RBMS1: variants seen among roughly 807,000 people sequenced by gnomAD.
The protein encoded by RBMS1 is RNA-binding motif, single-stranded-interacting protein 1.
In RBMS1, 17 loss-of-function variants were observed where a neutral mutation model predicts 62.3. The ratio of observed to expected loss-of-function variants is 0.27; its 90% CI spans 0.19 to 0.41. RBMS1 has a LOEUF of 0.41. RBMS1 is among the 10% of genes least tolerant of loss of function. The pLI is 1.00. For synonymous variants in RBMS1, 172 were observed against 170.0 expected (o/e 1.01, Z -0.09); for missense variants, 334 against 504.5 (o/e 0.66, Z 3.24).
At position 160,321,603 on chromosome 2, in the gene RBMS1, A is replaced by G. The variant is rs529774529; in HGVS notation, c.252-3376T>C. Among the ~76,000 whole-genome samples the G allele has an allele frequency of 2.6e-5, 4 of 152,238 alleles. No homozygotes were observed. The South Asian group carries it at 8.3e-4, about 32-fold the overall frequency. On this transcript the variant is annotated intron_variant, in intron 2 of 13. Coordinates refer to ENST00000348849, the MANE Select transcript of RBMS1 (RefSeq NM_016836.4). ...TCCAGTGAAATATTTAAGTAGTGAA[A>G]TATCAAGCCCACGACTTTCTAAATC... is the stretch of plus-strand genomic sequence containing the variant.
At chr2:160,276,960 T>C (rs3772070) in intron 12 of RBMS1, among the ~76,000 whole-genome samples, 106,581 of 152,016 alleles carry the variant, frequency 0.7, 37,951 homozygotes, top group East Asian at 0.82. Flanking sequence ...TCACTGTAGT[T>C]GCAAACTCCA....
At chr2:160,308,624 C>T (rs995450182) in intron 4 of RBMS1, among the ~76,000 whole-genome samples, 1 of 152,160 alleles carries the variant, frequency 6.6e-6, no homozygotes, top group African/African-American at 2.4e-5. Context: ...AGTCATTCTA[C>T]AGGGACCTAA....
chr2:160,370,072 T>C (rs1485569474), intron 1 of RBMS1, among the ~76,000 whole-genome samples: 1 of 152,174 alleles, frequency 6.6e-6, no homozygotes, highest in Non-Finnish European at 1.5e-5. Flanking sequence ...CCCTGTTAAG[T>C]TTCCCCTGTG....
intron 1 of RBMS1, among the ~76,000 whole-genome samples, chr2:160,446,240 C>T (rs995583412): frequency 6.6e-6 from 1 of 152,196 alleles, no homozygotes; most frequent in Non-Finnish European, 1.5e-5. Flanking sequence ...TCATCCAATA[C>T]TTGAACCCTG....
At chr2:160,426,450 C>A (rs1040586027) in intron 1 of RBMS1, among the ~76,000 whole-genome samples, 1 of 152,040 alleles carries the variant, frequency 6.6e-6, no homozygotes, top group African/African-American at 2.4e-5. Flanking sequence ...TGCTCCCTCT[C>A]CCTCAACAAA....
intron 12 of RBMS1, among the ~76,000 whole-genome samples, chr2:160,276,402 TCAC>T (rs889041295): frequency 3.3e-5 from 5 of 149,426 alleles, no homozygotes; most frequent in East Asian, 2.0e-4. Flanking sequence ...GCTACTACTA[TCAC>T]CACCACCACC....
At chr2:160,471,767 A>C (rs1684933937) in intron 1 of RBMS1, among the ~76,000 whole-genome samples, 1 of 144,132 alleles carries the variant, frequency 6.9e-6, no homozygotes. Context: ...GTATTAGAAG[A>C]AGTGAAGAGG....
intron 6 of RBMS1, among the ~76,000 whole-genome samples, chr2:160,291,837 T>G (rs1688694609): frequency 1.3e-5 from 2 of 152,222 alleles, no homozygotes; most frequent in South Asian, 4.1e-4. Flanking sequence ...AAACAATGAT[T>G]TGACAATATT....
chr2:160,463,411 T>C (rs1369405692), intron 1 of RBMS1, among the ~76,000 whole-genome samples: 1 of 152,202 alleles, frequency 6.6e-6, no homozygotes, highest in Non-Finnish European at 1.5e-5. Context: ...GATAATGATG[T>C]AGTCTTTTCA....
At chr2:160,351,669 A>C (rs75257473) in intron 2 of RBMS1, among the ~76,000 whole-genome samples, 165 of 152,288 alleles carry the variant, frequency 1.1e-3, no homozygotes, top group African/African-American at 3.8e-3. Flanking sequence ...CTGACAGTCC[A>C]GGAAACTGTT....
chr2:160,388,040 C>T (rs1694675389), intron 1 of RBMS1, among the ~76,000 whole-genome samples: 1 of 152,140 alleles, frequency 6.6e-6, no homozygotes, highest in South Asian at 2.1e-4. Context: ...AACAGGGTTC[C>T]AACTAACATG....
chr2:160,394,837 T>C (rs913233500), intron 1 of RBMS1, among the ~76,000 whole-genome samples: 13 of 152,224 alleles, frequency 8.5e-5, no homozygotes, highest in African/African-American at 3.1e-4. Flanking sequence ...GATTTTAAGG[T>C]AGGATGGTGA....
intron 3 of RBMS1, among the ~76,000 whole-genome samples, chr2:160,317,412 C>T (rs1323863310): frequency 1.3e-5 from 2 of 152,166 alleles, no homozygotes; most frequent in Non-Finnish European, 2.9e-5. Flanking sequence ...TCAGCTGACT[C>T]TATTCTTCCC....
chr2:160,296,041 C>T (rs937318011), intron 6 of RBMS1, among the ~76,000 whole-genome samples: 1 of 152,198 alleles, frequency 6.6e-6, no homozygotes, highest in Non-Finnish European at 1.5e-5. Flanking sequence ...CAAAGGCTGA[C>T]ACCGTAGGAG....
At position 160,493,273 on chromosome 2, in the gene RBMS1, C is replaced by T. The variant is rs1685935097; in HGVS notation, c.75+16G>A. 6.2e-7 allele frequency: 1 copy of T among 1,612,100 alleles called. No homozygotes were observed. The highest frequency in any genetic ancestry group is 8.5e-7 in the Non-Finnish European group (1 of 1,178,440). On this transcript the variant is annotated intron_variant, in intron 1 of 13. Coordinates refer to ENST00000348849, the MANE Select transcript of RBMS1 (RefSeq NM_016836.4). Reference sequence around the variant, plus strand: ...CCCCCTCCTCCGGCCGTCACCTCTCCCCGGCGCCCCTTTACCTTGGCTTGC... The same window carrying T: ...CCCCCTCCTCCGGCCGTCACCTCTCTCCGGCGCCCCTTTACCTTGGCTTGC...
intron 1 of RBMS1, among the ~76,000 whole-genome samples, chr2:160,485,516 T>G (rs1036694683): frequency 6.6e-6 from 1 of 152,194 alleles, no homozygotes; most frequent in Non-Finnish European, 1.5e-5. Flanking sequence ...ACAGGTTCGC[T>G]GGGGACCATA....
At chr2:160,448,564 A>G (rs546462570) in intron 1 of RBMS1, among the ~76,000 whole-genome samples, 6 of 152,346 alleles carry the variant, frequency 3.9e-5, no homozygotes, top group African/African-American at 1.4e-4. Flanking sequence ...CCGAGGTGCC[A>G]GGATTGCAGA....
At chr2:160,438,900 C>T (rs112665670) in intron 1 of RBMS1, among the ~76,000 whole-genome samples, 5 of 145,702 alleles carry the variant, frequency 3.4e-5, no homozygotes, top group Non-Finnish European at 6.0e-5. Context: ...TGACTCCCCC[C>T]ACCTCCCTCC....
intron 2 of RBMS1, among the ~76,000 whole-genome samples, chr2:160,348,084 A>T (rs546037813): frequency 8.5e-5 from 13 of 152,224 alleles, no homozygotes; most frequent in Non-Finnish European, 1.6e-4. Flanking sequence ...AGTTTTCCTA[A>T]TTGTGATCCA....
Sources: allele counts gnomAD v4.1 joint callset (sites outside exome capture counted in the v4.1 genomes callset), GRCh38; gene constraint gnomAD v4.1.1; transcripts MANE v1.5; gene names NCBI Gene and HGNC (gene_info 2026-07-23, HGNC 2026-07-21).